GDA: variants seen among roughly 807,000 people sequenced by gnomAD.
The protein encoded by GDA is cytoplasmic PSD-95 interactor.
GDA carries 18 observed loss-of-function variants against 59.6 expected under a neutral mutation model. That is an observed-to-expected ratio of 0.30 (90% CI 0.21 to 0.45). The LOEUF (loss-of-function observed/expected upper bound fraction) is 0.45, where lower values mean the gene tolerates loss of function less well. Among genes scored for constraint, GDA ranks in the 20% least tolerant of loss-of-function variants. The pLI is 1.00. For synonymous variants in GDA, 201 were observed against 201.1 expected (o/e 1.00, Z 0.00); for missense variants, 427 against 552.3 (o/e 0.77, Z 2.27).
In GDA at chr9:72,234,154, A is replaced by G. The variant is rs1013888879; in HGVS notation, c.988+2973A>G. Reference sequence around the variant, plus strand: ...TAAATATATGCCAGTGTGTGGGCTTAAAGAGCACACACTGCATGATTCCAT... The same window carrying G: ...TAAATATATGCCAGTGTGTGGGCTTGAAGAGCACACACTGCATGATTCCAT... On this transcript the variant is annotated intron_variant, in intron 10 of 13. Coordinates refer to ENST00000358399, the MANE Select transcript of GDA (RefSeq NM_004293.5). Among the ~76,000 whole-genome samples, 7 of 152,282 alleles carry G rather than the reference A, an allele frequency of 4.6e-5. No individual in the cohort carries two copies. In the East Asian group the frequency reaches 9.7e-4, roughly 21 times the overall value.
intron 1 of GDA, among the ~76,000 whole-genome samples, chr9:72,169,417 A>C (rs1437035295): frequency 2.0e-5 from 3 of 152,226 alleles, no homozygotes; most frequent in African/African-American, 7.2e-5. Flanking sequence ...GGACATAGAT[A>C]AACAAGGAGG....
intron 7 of GDA, 76 bp from the exon 8 acceptor site, chr9:72,225,601 C>G: frequency 1.4e-6 from 1 of 715,200 alleles, no homozygotes; most frequent in Non-Finnish European, 2.4e-6. Context: ...ACCATTCACA[C>G]CATTTTGAGG....
At chr9:72,119,680 A>G (rs1825593279) in intron 1 of GDA, among the ~76,000 whole-genome samples, 1 of 152,184 alleles carries the variant, frequency 6.6e-6, no homozygotes, top group African/African-American at 2.4e-5. Context: ...AAGAAAGAGA[A>G]TAAATTTTCT....
At chr9:72,216,796 C>T (rs12236224) in intron 5 of GDA, among the ~76,000 whole-genome samples, 33,182 of 151,938 alleles carry the variant, frequency 0.22, 4,261 homozygotes, top group East Asian at 0.51. Flanking sequence ...CTGCCTCAGC[C>T]TCCCAAGTAG....
intron 10 of GDA, among the ~76,000 whole-genome samples, chr9:72,236,562 C>G (rs1363311615): frequency 6.6e-6 from 1 of 152,124 alleles, no homozygotes; most frequent in Non-Finnish European, 1.5e-5. Flanking sequence ...GCAAAAACAA[C>G]AACAACAAAA....
At chr9:72,198,414 C>CT (rs1833465627) in intron 2 of GDA, among the ~76,000 whole-genome samples, 1 of 151,858 alleles carries the variant, frequency 6.6e-6, no homozygotes, top group Non-Finnish European at 1.5e-5. Context: ...TGGTGGGCCC[C>CT]TGTAGTCCCA....
chr9:72,170,644 C>T (rs1829851917), intron 1 of GDA, among the ~76,000 whole-genome samples: 1 of 152,050 alleles, frequency 6.6e-6, no homozygotes. Flanking sequence ...ATAACCTTTG[C>T]ATTTTAGAGC....
intron 1 of GDA, among the ~76,000 whole-genome samples, chr9:72,154,624 A>G (rs375749353): frequency 2.6e-5 from 4 of 152,224 alleles, no homozygotes; most frequent in East Asian, 1.9e-4. Context: ...TGCTAGATTC[A>G]CTAGCAAGCT....
intron 1 of GDA, among the ~76,000 whole-genome samples, chr9:72,174,991 G>T (rs936341147): frequency 6.6e-6 from 1 of 152,078 alleles, no homozygotes; most frequent in Non-Finnish European, 1.5e-5. Context: ...GTCTGAAATG[G>T]GACCAGGTGG....
Position 72,227,971 on chromosome 9 carries a change from C to T in GDA, c.851C>T (p.Ser284Phe). 6.2e-7 allele frequency: 1 copy of T among 1,608,616 alleles called. No individual in the cohort carries two copies. Among genetic ancestry groups the T allele is most frequent in the South Asian group, 1.1e-5 (1 of 90,706 alleles). Residue 284 changes from serine to phenylalanine, a missense_variant, in exon 9 of 14, where the codon TCT becomes TTT. Physicochemically the swap from Ser to Phe is radical, Grantham distance 155 (BLOSUM62 -2). Transcript: ENST00000358399. Reference sequence around the variant, plus strand: ...GTGATGGCACACGGCTGCTACCTCTCTGCAGAAGAACTGAACGTATTCCAT... The same window carrying T: ...GTGATGGCACACGGCTGCTACCTCTTTGCAGAAGAACTGAACGTATTCCAT... ...KTVMAHGCYL[S>F]AEELNVFHER...
At chr9:72,129,988 G>A (rs1587308399) in intron 1 of GDA, among the ~76,000 whole-genome samples, 1 of 152,300 alleles carries the variant, frequency 6.6e-6, no homozygotes, top group Admixed American at 6.5e-5. Flanking sequence ...TCCTGGAGAT[G>A]ACTTGTGCTT....
chr9:72,223,397 C>T (rs893619446), intron 7 of GDA, among the ~76,000 whole-genome samples, 170 bp downstream of exon 7: 1 of 152,170 alleles, frequency 6.6e-6, no homozygotes, highest in African/African-American at 2.4e-5. Context: ...CTGTAGATAT[C>T]ACCTAATCCA....
Position 72,248,452 on chromosome 9 carries a change from T to C in GDA, c.*110T>C. 3.9e-6 allele frequency: 6 copies of C among 1,543,072 alleles called. No individual in the cohort carries two copies. The highest frequency in any genetic ancestry group is 5.2e-6 in the Non-Finnish European group (6 of 1,144,778). On this transcript the variant is annotated 3_prime_UTR_variant, in exon 14 of 14. Coordinates refer to ENST00000358399, the MANE Select transcript of GDA (RefSeq NM_004293.5). ...AATAGTACCTTGTTCTTGGGATGAC[T>C]ATCCCTTTCTGTGTCTAGTTACAGT...
chr9:72,210,839 A>G, intron 4 of GDA, 65 bp downstream of exon 4: 1 of 982,888 alleles, frequency 1.0e-6, no homozygotes, highest in Non-Finnish European at 1.6e-6. Context: ...CGTGGCAAAC[A>G]ACTTATATGT....
chr9:72,170,048 TAAAC>T (rs1244895983), intron 1 of GDA, among the ~76,000 whole-genome samples: 1 of 152,188 alleles, frequency 6.6e-6, no homozygotes. Flanking sequence ...ACTTGTAAAT[TAAAC>T]AAACACAATG....
At chr9:72,123,319 G>A (rs1825732878) in intron 1 of GDA, among the ~76,000 whole-genome samples, 1 of 151,054 alleles carries the variant, frequency 6.6e-6, no homozygotes, top group African/African-American at 2.4e-5. Context: ...AAATAGCTGG[G>A]ACTACAGGCA....
In GDA at chr9:72,250,446, AGT is replaced by A; in HGVS notation, c.*2109_*2110del. On this transcript the variant is annotated 3_prime_UTR_variant, in exon 14 of 14. Transcript: ENST00000358399. ...TTAAACATTTAAATTTAGCTCTGAT[AGT>A]GTGTTAAGACCTGAATATCTTTCCT... is the stretch of plus-strand genomic sequence containing the variant. The A allele has an allele frequency of 4.8e-6, 6 of 1,249,914 alleles. No individual in the cohort carries two copies. The highest frequency in any genetic ancestry group is 6.1e-6 in the Non-Finnish European group (6 of 990,104). 77.4% of individuals were successfully genotyped at this position (1,249,914 alleles called of 1,614,324 possible). A position where few individuals can be genotyped will look rare whatever the true frequency, so the allele number is the denominator to read the frequency against.
At chr9:72,243,239 G>A (rs1839816846) in intron 11 of GDA, among the ~76,000 whole-genome samples, 1 of 152,190 alleles carries the variant, frequency 6.6e-6, no homozygotes, top group Admixed American at 6.5e-5. Context: ...TACCAGCCCA[G>A]TGGGATCTCT....
rs115640599 is a variant in GDA, at chr9:72,226,466, T to A, written c.822+682T>A. On this transcript the variant is annotated intron_variant, in intron 8 of 13. Coordinates refer to ENST00000358399, the MANE Select transcript of GDA (RefSeq NM_004293.5). ...GGACAAACCAGAAGGACTTTCTGCT[T>A]TTTATTTTTAAATACTCTGAGAGTG... 9.3e-3 allele frequency among the ~76,000 whole-genome samples: 1,418 copies of A among 152,320 alleles called. 19 individuals are homozygous for A. Among genetic ancestry groups the A allele is most frequent in the African/African-American group, 0.033 (1,364 of 41,572 alleles).
Sources: allele counts gnomAD v4.1 joint callset (sites outside exome capture counted in the v4.1 genomes callset), GRCh38; gene constraint gnomAD v4.1.1; transcripts MANE v1.5; gene names NCBI Gene and HGNC (gene_info 2026-07-23, HGNC 2026-07-21).